PREX1: variants seen among roughly 807,000 people sequenced by gnomAD.
The protein encoded by PREX1 is phosphatidylinositol-3,4,5-trisphosphate dependent Rac exchange factor 1, also known as phosphatidylinositol 3,4,5-trisphosphate-dependent Rac exchanger 1 protein.
Under a neutral mutation model 198.3 loss-of-function variants are expected in PREX1, and 41 were observed. The observed-to-expected ratio is 0.21, with a 90% CI of 0.16 to 0.27. The LOEUF (loss-of-function observed/expected upper bound fraction) is 0.27, where lower values mean the gene tolerates loss of function less well. Ranked by LOEUF, PREX1 falls within the 10% of genes least tolerant of loss-of-function variation. The pLI is 1.00. For missense variants in PREX1, 1,620 were observed against 2,200.7 expected (o/e 0.74, Z 5.28); for synonymous variants, 843 against 887.2 (o/e 0.95, Z 0.89).
chr20:48,858,867 C>T, the PREX1 span, among the ~76,000 whole-genome samples: 2 of 152,198 alleles, frequency 1.3e-5, no homozygotes, highest in South Asian at 2.1e-4. Flanking sequence ...CACTGTACTG[C>T]GTACTTTATT....
At chr20:48,804,218 G>A (rs2090400081) in intron 1 of PREX1, among the ~76,000 whole-genome samples, 1 of 152,238 alleles carries the variant, frequency 6.6e-6, no homozygotes, top group Non-Finnish European at 1.5e-5. Flanking sequence ...ACTGTTCTAG[G>A]TGTGGGGACA....
chr20:48,832,790 A>G (rs2090539938), upstream of PREX1, among the ~76,000 whole-genome samples: 1 of 152,246 alleles, frequency 6.6e-6, no homozygotes, highest in South Asian at 2.1e-4. Flanking sequence ...CTCTGGTTCA[A>G]GGTCTGATTT....
intron 3 of PREX1, among the ~76,000 whole-genome samples, chr20:48,743,464 C>T (rs531111838): frequency 1.3e-3 from 200 of 152,312 alleles, no homozygotes; most frequent in Non-Finnish European, 1.6e-3. Flanking sequence ...CACAGCTACT[C>T]CCCCTCACAG....
At chr20:48,634,625 T>G (rs1355585013) in intron 33 of PREX1, 51 bp downstream of exon 33, 1 of 1,583,114 alleles carries the variant, frequency 6.3e-7, no homozygotes, top group South Asian at 1.1e-5. Flanking sequence ...AGCTGTCCCT[T>G]CCACCCCAGG....
intron 1 of PREX1, among the ~76,000 whole-genome samples, chr20:48,807,028 AGCT>A (rs1457683204): frequency 6.6e-6 from 1 of 152,242 alleles, no homozygotes; most frequent in Non-Finnish European, 1.5e-5. Context: ...AACAGAACAT[AGCT>A]GAAGATGGAG....
At chr20:48,711,672 T>A (rs933429330) in intron 5 of PREX1, among the ~76,000 whole-genome samples, 1 of 152,206 alleles carries the variant, frequency 6.6e-6, no homozygotes, top group Non-Finnish European at 1.5e-5. Context: ...CAATGACAGA[T>A]TGTATGGACC....
At chr20:48,876,472 T>C in the PREX1 span, among the ~76,000 whole-genome samples, 1 of 152,232 alleles carries the variant, frequency 6.6e-6, no homozygotes, top group Non-Finnish European at 1.5e-5. Flanking sequence ...TTGTTTTCTC[T>C]TTTTATCTTC....
At chr20:48,804,781 T>C (rs1434403440) in intron 1 of PREX1, among the ~76,000 whole-genome samples, 1 of 152,084 alleles carries the variant, frequency 6.6e-6, no homozygotes, top group African/African-American at 2.4e-5. Flanking sequence ...TTGTCCAAGT[T>C]GGAGCTGACA....
chr20:48,734,762 G>A (rs780716414), intron 3 of PREX1, 112 bp from the exon 4 acceptor site: 19 of 832,740 alleles, frequency 2.3e-5, no homozygotes, highest in Non-Finnish European at 3.5e-5. Flanking sequence ...CCCTGACCCA[G>A]GAGAAGCTAC....
intron 17 of PREX1, 31 bp from the exon 18 acceptor site, chr20:48,657,219 A>G (rs2089552196): frequency 6.2e-7 from 1 of 1,609,056 alleles, no homozygotes; most frequent in Admixed American, 1.7e-5. Context: ...ACAGACGTGC[A>G]CACCAGTTAC....
At chr20:48,675,900 G>C (rs1568818321) in intron 14 of PREX1, among the ~76,000 whole-genome samples, 1 of 152,136 alleles carries the variant, frequency 6.6e-6, no homozygotes, top group Non-Finnish European at 1.5e-5. Context: ...AGCTGGGTGT[G>C]GTGGCGTGCG....
intron 1 of PREX1, among the ~76,000 whole-genome samples, chr20:48,811,378 G>C (rs1374247080): frequency 2.0e-5 from 3 of 152,094 alleles, no homozygotes; most frequent in South Asian, 2.1e-4. Context: ...GCCTAACCTG[G>C]ACTTAGGACC....
At chr20:48,836,902 C>CAAAAAAAAAAAAAAAAAAAAAAAAAA in the PREX1 span, among the ~76,000 whole-genome samples, 1 of 56,072 alleles carries the variant, frequency 1.8e-5, no homozygotes, top group Non-Finnish European at 3.1e-5. Flanking sequence ...ACTCTGTCTC[C>CAAAAAAAAAAAAAAAAAAAAAAAAAA]AAAAAAAAAA....
chr20:48,855,874 C>T, the PREX1 span, among the ~76,000 whole-genome samples: 1 of 152,142 alleles, frequency 6.6e-6, no homozygotes, highest in Non-Finnish European at 1.5e-5. Context: ...GTACTCCGGC[C>T]TGGGCGATAG....
At chr20:48,674,344 G>A (rs974044302) in intron 14 of PREX1, among the ~76,000 whole-genome samples, 7 of 152,224 alleles carry the variant, frequency 4.6e-5, no homozygotes, top group Non-Finnish European at 8.8e-5. Context: ...TTATCAGCAC[G>A]TATCAGGAAT....
chr20:48,851,789 T>C, the PREX1 span, among the ~76,000 whole-genome samples: 1 of 152,154 alleles, frequency 6.6e-6, no homozygotes, highest in Admixed American at 6.5e-5. Context: ...TAAATATTGA[T>C]TTAAATATTT....
chr20:48,628,786 G>A (rs1025291262), intron 37 of PREX1, among the ~76,000 whole-genome samples: 1 of 152,214 alleles, frequency 6.6e-6, no homozygotes, highest in Admixed American at 6.5e-5. Context: ...CACTGGCCCC[G>A]TGAAACATTT....
the PREX1 span, among the ~76,000 whole-genome samples, chr20:48,884,891 C>A: frequency 6.6e-6 from 1 of 152,282 alleles, no homozygotes; most frequent in Non-Finnish European, 1.5e-5. Flanking sequence ...GTGGATGGAT[C>A]ATTTGAGATC....
At chr20:48,735,407 T>C (rs529045395) in intron 3 of PREX1, among the ~76,000 whole-genome samples, 1 of 152,196 alleles carries the variant, frequency 6.6e-6, no homozygotes, top group South Asian at 2.1e-4. Context: ...AGCCCCCAGA[T>C]GGCCTTCCGA....
Sources: allele counts gnomAD v4.1 joint callset (sites outside exome capture counted in the v4.1 genomes callset), GRCh38; gene constraint gnomAD v4.1.1; transcripts MANE v1.5; gene names NCBI Gene and HGNC (gene_info 2026-07-23, HGNC 2026-07-21).